The following CLK1 variants were observed in gnomAD, a reference collection of about 807,000 sequenced individuals.
CLK1 encodes the protein CDC like kinase 1, also known as dual specificity protein kinase CLK1.
In CLK1, 40 loss-of-function variants were observed where a neutral mutation model predicts 60.9. That is an observed-to-expected ratio of 0.66 (90% CI 0.51 to 0.86). The LOEUF is 0.86. CLK1 is among the 40% of genes least tolerant of loss of function. The pLI is 0.00. For missense variants in CLK1, 563 were observed against 606.1 expected, an observed-to-expected ratio of 0.93 and a Z score of 0.75; for synonymous variants, 203 against 184.4, an observed-to-expected ratio of 1.10 and a Z score of -0.82.
intron 9 of CLK1, among the ~76,000 whole-genome samples, chr2:200,855,484 G>C (rs2039022832): frequency 6.6e-6 from 1 of 152,088 alleles, no homozygotes; most frequent in African/African-American, 2.4e-5. Context: ...AATTAGCCAG[G>C]CATGGTGGCA....
chr2:200,854,189 T>A, intron 11 of CLK1, 196 bp from the exon 12 acceptor site: 1 of 477,578 alleles, frequency 2.1e-6, no homozygotes, highest in Non-Finnish European at 3.7e-6. Context: ...CTTCATTATT[T>A]ATAAAGTCCT....
chr2:200,854,178 A>C (rs1485540621), intron 11 of CLK1, 185 bp from the exon 12 acceptor site: 3 of 487,960 alleles, frequency 6.1e-6, no homozygotes, highest in Non-Finnish European at 1.1e-5. Flanking sequence ...TATTAGTTTG[A>C]CTTCATTATT....
At chr2:200,862,157 G>A (rs940484776) in intron 1 of CLK1, among the ~76,000 whole-genome samples, 1 of 151,632 alleles carries the variant, frequency 6.6e-6, no homozygotes, top group African/African-American at 2.4e-5. Context: ...ACTAATTTTG[G>A]TACATTTTAC....
In CLK1 at chr2:200,853,218, T is replaced by C; in HGVS notation, c.*88A>G. 2 of 992,978 alleles carry C rather than the reference T, an allele frequency of 2.0e-6. No homozygotes were observed. Among genetic ancestry groups the C allele is most frequent in the Non-Finnish European group, 2.8e-6 (2 of 704,318 alleles). 61.5% of individuals were successfully genotyped at this position (992,978 alleles called of 1,614,324 possible). Reference sequence around the variant, plus strand: ...TGGCAATATAAAAATGTTAAGAATTTACAAAGCTGTACAAAATAACTTAAA... The same window carrying C: ...TGGCAATATAAAAATGTTAAGAATTCACAAAGCTGTACAAAATAACTTAAA... On this transcript the variant is annotated 3_prime_UTR_variant, in exon 13 of 13. Coordinates refer to ENST00000321356, the MANE Select transcript of CLK1 (RefSeq NM_004071.4).
chr2:200,860,765 A>G (rs2039124587), intron 3 of CLK1: 1 of 1,005,456 alleles, frequency 9.9e-7, no homozygotes, highest in Non-Finnish European at 1.2e-6. Flanking sequence ...ATACTAATAT[A>G]TAACCCATAA....
chr2:200,855,632 A>ACCC, intron 9 of CLK1, among the ~76,000 whole-genome samples: 1 of 144,716 alleles, frequency 6.9e-6, no homozygotes, highest in Admixed American at 6.9e-5. Flanking sequence ...CCCCCCCCCA[A>ACCC]AAAATTATAT....
intron 7 of CLK1, 105 bp downstream of exon 7, chr2:200,857,613 C>T: frequency 1.1e-6 from 1 of 924,162 alleles, no homozygotes; most frequent in Non-Finnish European, 1.6e-6. Context: ...TTCTTCCTCC[C>T]CCTTTATTTT....
At chr2:200,864,514 G>A (rs2039199668) in intron 1 of CLK1, 50 bp downstream of exon 1, 1 of 413,554 alleles carries the variant, frequency 2.4e-6, no homozygotes, top group South Asian at 3.6e-5. Flanking sequence ...GCGCCCGCGA[G>A]GCTCACAGGA....
intron 4 of CLK1, 109 bp downstream of exon 4, chr2:200,860,012 AAAAC>A (rs1181789083): frequency 2.7e-6 from 4 of 1,480,306 alleles, no homozygotes; most frequent in East Asian, 4.9e-5. Context: ...ATGGAAAAAT[AAAAC>A]AAAAACAAAA....
At position 200,855,098 on chromosome 2, in the gene CLK1, A is replaced by T; in HGVS notation, c.1058-12T>A. The T allele has an allele frequency of 1.3e-6, 2 of 1,582,816 alleles. No homozygotes were observed. The highest frequency in any genetic ancestry group is 1.7e-6 in the Non-Finnish European group (2 of 1,168,936). On this transcript the variant is annotated splice_polypyrimidine_tract_variant and intron_variant, in intron 9 of 12. Coordinates refer to ENST00000321356, the MANE Select transcript of CLK1 (RefSeq NM_004071.4). ...GGACCACCCTAGGGCTGCAAAGCAA[A>T]GCAAAATTTAAGGAAAAAAAATACT... is the stretch of plus-strand genomic sequence containing the variant.
rs532275270 is a variant in CLK1, at chr2:200,854,429, G to A, written c.1220+187C>T. 5.9e-5 allele frequency among the ~76,000 whole-genome samples: 9 copies of A among 151,864 alleles called. No homozygotes were observed. The East Asian group carries it at 1.4e-3, about 23-fold the overall frequency. Reference sequence around the variant, plus strand: ...CGAGTGCCTGTAGTCCCAGCTACTCGGGAGGCTGAGACAGGAAAATGGCGT... The same window carrying A: ...CGAGTGCCTGTAGTCCCAGCTACTCAGGAGGCTGAGACAGGAAAATGGCGT... On this transcript the variant is annotated intron_variant, in intron 11 of 12. Transcript: ENST00000321356.
At chr2:200,859,820 T>C (rs778075576) in intron 4 of CLK1, 74 bp from the exon 5 acceptor site, 1 of 1,586,822 alleles carries the variant, frequency 6.3e-7, no homozygotes, top group Non-Finnish European at 8.6e-7. Context: ...ATGCTATCAA[T>C]GTAGATTATT....
chr2:200,853,886 AT>A lies in CLK1; in HGVS notation c.1311+16del. On this transcript the variant is annotated intron_variant, in intron 12 of 12. Coordinates refer to ENST00000321356, the MANE Select transcript of CLK1 (RefSeq NM_004071.4). ...AAACTCAGTTTTGACTATTTGAGCA[AT>A]GTCTCAAAGGCTTACCTTCAGAGGT... 6.4e-7 allele frequency: 1 copy of A among 1,573,288 alleles called. No individual in the cohort carries two copies.
intron 1 of CLK1, chr2:200,864,319 C>G: frequency 1.4e-6 from 2 of 1,431,662 alleles, no homozygotes; most frequent in Non-Finnish European, 1.8e-6. Flanking sequence ...GCAGAAGCTC[C>G]AAGAGGGCGG....
At chr2:200,859,540 T>A in intron 5 of CLK1, 140 bp downstream of exon 5, 1 of 573,896 alleles carries the variant, frequency 1.7e-6, no homozygotes, top group African/African-American at 1.9e-5. Flanking sequence ...CAAGTACCTC[T>A]TAACTGGAAG....
chr2:200,861,186 C>T, intron 3 of CLK1, 52 bp downstream of exon 3: 6 of 1,571,590 alleles, frequency 3.8e-6, no homozygotes, highest in Non-Finnish European at 5.2e-6. Flanking sequence ...TTCAAGTTTC[C>T]CTGTTCCACA....
At chr2:200,863,632 T>C (rs971272032) in intron 1 of CLK1, among the ~76,000 whole-genome samples, 21 of 152,068 alleles carry the variant, frequency 1.4e-4, no homozygotes, top group African/African-American at 5.1e-4. Flanking sequence ...CCGAAGCGGA[T>C]GGATCACCTG....
intron 1 of CLK1, 149 bp downstream of exon 1, chr2:200,864,415 C>CA (rs1267944734): frequency 4.2e-6 from 3 of 717,578 alleles, no homozygotes; most frequent in Non-Finnish European, 6.4e-6. Flanking sequence ...GGCGCGCCGC[C>CA]ACTGTGCAGC....
chr2:200,860,494 TAAAA>T, intron 3 of CLK1: 1 of 908,322 alleles, frequency 1.1e-6, no homozygotes, highest in Non-Finnish European at 1.4e-6. Context: ...TTGTTTTTCT[TAAAA>T]AAAAAAAATG....
Sources: gnomAD v4.1 joint callset for allele counts (sites outside exome capture counted in the v4.1 genomes callset) on GRCh38, gnomAD v4.1.1 for gene constraint, MANE v1.5 for transcripts, NCBI Gene and HGNC (gene_info 2026-07-23, HGNC 2026-07-21) for gene names.